NUCKS1: variants seen among roughly 807,000 people sequenced by gnomAD.
NUCKS1 encodes the protein nuclear casein kinase and cyclin dependent kinase substrate 1.
A neutral mutation model predicts 33.0 loss-of-function variants in NUCKS1; 2 were observed. The ratio of observed to expected loss-of-function variants is 0.06; its 90% CI spans 0.02 to 0.19. The LOEUF (loss-of-function observed/expected upper bound fraction) is 0.19. NUCKS1 is among the 10% of genes least tolerant of loss of function. The pLI is 1.00. For synonymous variants in NUCKS1, 106 were observed against 102.8 expected, an observed-to-expected ratio of 1.03 and a Z score of -0.19; for missense variants, 201 against 293.6, an observed-to-expected ratio of 0.68 and a Z score of 2.31.
intron 1 of NUCKS1, among the ~76,000 whole-genome samples, chr1:205,733,438 T>C (rs1653962461): frequency 6.6e-6 from 1 of 152,120 alleles, no homozygotes; most frequent in Non-Finnish European, 1.5e-5. Context: ...ACTCTATCAC[T>C]AGAAACACTC....
chr1:205,725,235 G>T (rs10494873), intron 3 of NUCKS1, among the ~76,000 whole-genome samples: 1 of 152,230 alleles, frequency 6.6e-6, no homozygotes, highest in Non-Finnish European at 1.5e-5. Context: ...AAATCACTTG[G>T]TATTCTTCAA....
At position 205,750,014 on chromosome 1, in the gene NUCKS1, C is replaced by G; in HGVS notation, c.-41G>C. On this transcript the variant is annotated 5_prime_UTR_variant, in exon 1 of 7. Coordinates refer to ENST00000367142, the MANE Select transcript of NUCKS1 (RefSeq NM_022731.5). ...AGGACCGAGTCGAGAAGCCAAAGAC[C>G]AGGACCCCCCCCACCCCGCGCGCTC... The G allele has an allele frequency of 6.4e-7, 1 of 1,568,958 alleles. No homozygotes were observed. The highest frequency in any genetic ancestry group is 2.4e-5 in the East Asian group (1 of 41,626).
chr1:205,745,831 A>G (rs1334547899), intron 1 of NUCKS1, among the ~76,000 whole-genome samples: 5 of 152,210 alleles, frequency 3.3e-5, no homozygotes, highest in South Asian at 4.1e-4. Flanking sequence ...CAGGGTTGTA[A>G]TAAGGATAAA....
intron 1 of NUCKS1, among the ~76,000 whole-genome samples, chr1:205,733,415 T>C (rs1402102498): frequency 1.3e-5 from 2 of 152,142 alleles, no homozygotes; most frequent in African/African-American, 2.4e-5. Flanking sequence ...CTGCTAACAA[T>C]GGCTACTTCC....
At chr1:205,728,862 T>A (rs946757230) in intron 2 of NUCKS1, among the ~76,000 whole-genome samples, 1 of 152,230 alleles carries the variant, frequency 6.6e-6, no homozygotes, top group Non-Finnish European at 1.5e-5. Context: ...TGCTTTATTA[T>A]GTAAAAACAT....
rs1361875403 is a variant in NUCKS1 at position 205,720,626 on chromosome 1, T to G, written c.257A>C (p.His86Pro). Residue 86 changes from histidine to proline, a missense_variant, in exon 5 of 7, where the codon CAT (histidine) becomes CCT (proline). Coordinates refer to ENST00000367142, the MANE Select transcript of NUCKS1 (RefSeq NM_022731.5). Reference sequence around the variant, plus strand: ...CTGCCGTTGTTGGCGCACATTTTTATGATCTTCTTTTTCATCTTCACTATC... The same window carrying G: ...CTGCCGTTGTTGGCGCACATTTTTAGGATCTTCTTTTTCATCTTCACTATC... ...AEDSEDEKEDHKNVRQQRQAA... is the reference protein window; with the variant it reads ...AEDSEDEKEDPKNVRQQRQAA... 1 of 1,613,864 alleles carries G rather than the reference T, an allele frequency of 6.2e-7. No individual in the cohort carries two copies. The highest frequency in any genetic ancestry group is 1.3e-5 in the African/African-American group (1 of 74,950).
rs1387351803 is a variant in NUCKS1 at position 205,715,149 on chromosome 1, T to G, written c.*3131A>C. 6.6e-6 allele frequency: 1 copy of G among 152,222 alleles called. No individual in the cohort carries two copies. Among genetic ancestry groups the G allele is most frequent in the Middle Eastern group, 3.2e-3 (1 of 316 alleles). 9.4% of individuals were successfully genotyped at this position (152,222 alleles called of 1,614,324 possible). On this transcript the variant is annotated 3_prime_UTR_variant, in exon 7 of 7. Transcript: ENST00000367142. ...ACCATATTCACAAGTGTTAAAAACT[T>G]TACTGGAGTATAACCTCAAATTTCA...
At chr1:205,747,365 T>C (rs989134105) in intron 1 of NUCKS1, among the ~76,000 whole-genome samples, 2 of 152,204 alleles carry the variant, frequency 1.3e-5, no homozygotes, top group East Asian at 1.9e-4. Context: ...GCCTAAAATA[T>C]TTGAGCTCTC....
At position 205,746,229 on chromosome 1, in the gene NUCKS1, A is replaced by G. The variant is rs967387034; in HGVS notation, c.17+3728T>C. 7.9e-5 allele frequency among the ~76,000 whole-genome samples: 12 copies of G among 152,194 alleles called. No homozygotes were observed. In the South Asian group the frequency reaches 2.5e-3, roughly 32 times the overall value. ...AGAATCACTTGAACCCGGGAGGTGG[A>G]GGTTGCAATGAGCCGAGATTGCACC... On this transcript the variant is annotated intron_variant, in intron 1 of 6. Transcript: ENST00000367142.
chr1:205,729,435 C>T, intron 2 of NUCKS1, 137 bp downstream of exon 2: 1 of 746,842 alleles, frequency 1.3e-6, no homozygotes, highest in Non-Finnish European at 2.4e-6. Flanking sequence ...TTGGTTGACA[C>T]AGATCATGAC....
chr1:205,724,109 T>C, intron 3 of NUCKS1, 128 bp from the exon 4 acceptor site: 4 of 766,628 alleles, frequency 5.2e-6, no homozygotes, highest in South Asian at 1.4e-5. Flanking sequence ...TTCAAACAAA[T>C]GCTAAGGAGT....
chr1:205,745,388 C>A (rs1454568437), intron 1 of NUCKS1, among the ~76,000 whole-genome samples: 1 of 152,066 alleles, frequency 6.6e-6, no homozygotes, highest in Non-Finnish European at 1.5e-5. Flanking sequence ...ACCTGAAAGG[C>A]TGAGGTGGGA....
At chr1:205,741,403 A>AT (rs756385387) in intron 1 of NUCKS1, among the ~76,000 whole-genome samples, 1 of 152,020 alleles carries the variant, frequency 6.6e-6, no homozygotes, top group Admixed American at 6.6e-5. Flanking sequence ...GCTAGGTTAG[A>AT]TTTTTCCCAG....
chr1:205,732,933 A>AT (rs201695188), intron 1 of NUCKS1, among the ~76,000 whole-genome samples: 34 of 152,066 alleles, frequency 2.2e-4, no homozygotes, highest in Non-Finnish European at 2.6e-4. Flanking sequence ...CAAAACAGTG[A>AT]TTTTTTAATG....
intron 3 of NUCKS1, among the ~76,000 whole-genome samples, chr1:205,724,416 G>A (rs762551083): frequency 1.3e-5 from 2 of 152,192 alleles, no homozygotes; most frequent in African/African-American, 2.4e-5. Context: ...ACTGTAGTCC[G>A]GGCGTGGTGG....
At chr1:205,729,984 G>A (rs888765007) in intron 1 of NUCKS1, among the ~76,000 whole-genome samples, 1 of 149,884 alleles carries the variant, frequency 6.7e-6, no homozygotes. Flanking sequence ...TACCTCCATT[G>A]CACTCCAGCC....
Position 205,750,018 on chromosome 1 carries a change from A to ACCCCCCCAC in NUCKS1, c.-46_-45insGTGGGGGGG. ...CCGAGTCGAGAAGCCAAAGACCAGG[A>ACCCCCCCAC]CCCCCCCCACCCCGCGCGCTCGGCG... On this transcript the variant is annotated 5_prime_UTR_variant, in exon 1 of 7. Transcript: ENST00000367142. The ACCCCCCCAC allele has an allele frequency of 1.0e-6, 1 of 964,084 alleles. No individual in the cohort carries two copies. The highest frequency in any genetic ancestry group is 1.4e-5 in the South Asian group (1 of 72,904). 59.7% of individuals were successfully genotyped at this position (964,084 alleles called of 1,614,324 possible). A position where few individuals can be genotyped will look rare whatever the true frequency, so the allele number is the denominator to read the frequency against.
Position 205,718,072 on chromosome 1 carries a change from C to T in NUCKS1, c.*208G>A. ...AAGGTAACTTAAACACTTACACATA[C>T]AATGGTTTGCTTTAAAAAAAAAAAA... On this transcript the variant is annotated 3_prime_UTR_variant, in exon 7 of 7. Transcript: ENST00000367142. The T allele has an allele frequency of 9.0e-7, 1 of 1,111,390 alleles. No individual in the cohort carries two copies. 68.8% of individuals were successfully genotyped at this position (1,111,390 alleles called of 1,614,324 possible). A position where few individuals can be genotyped will look rare whatever the true frequency, so the allele number is the denominator to read the frequency against.
chr1:205,727,188 C>T (rs2102435067), intron 3 of NUCKS1, among the ~76,000 whole-genome samples: 1 of 152,250 alleles, frequency 6.6e-6, no homozygotes, highest in East Asian at 1.9e-4. Flanking sequence ...TGGTCTCAAA[C>T]TCCCGGGCTC....
Sources: allele counts gnomAD v4.1 joint callset (sites outside exome capture counted in the v4.1 genomes callset), GRCh38; gene constraint gnomAD v4.1.1; transcripts MANE v1.5; gene names NCBI Gene and HGNC (gene_info 2026-07-23, HGNC 2026-07-21).